The following BNC2 variants were observed in gnomAD, a reference collection of about 807,000 sequenced individuals.
BNC2 encodes the protein basonuclin zinc finger protein 2.
BNC2 carries 20 observed loss-of-function variants against 76.3 expected under a neutral mutation model. The ratio of observed to expected loss-of-function variants is 0.26; its 90% CI spans 0.18 to 0.38. The LOEUF (loss-of-function observed/expected upper bound fraction) is 0.38. Among genes scored for constraint, BNC2 ranks in the 10% least tolerant of loss-of-function variants. The pLI is 1.00. For missense variants in BNC2, 1,382 were observed against 1,399.8 expected (o/e 0.99, Z 0.20); for synonymous variants, 582 against 514.8 (o/e 1.13, Z -1.77).
chr9:16,456,467 C>A (rs1416997371), intron 5 of BNC2, among the ~76,000 whole-genome samples: 1 of 147,054 alleles, frequency 6.8e-6, no homozygotes, highest in Non-Finnish European at 1.5e-5. Flanking sequence ...GGGGATGGAG[C>A]TTGCAGTGAG....
chr9:16,633,665 T>C (rs1295163550), intron 3 of BNC2, among the ~76,000 whole-genome samples: 1 of 152,220 alleles, frequency 6.6e-6, no homozygotes, highest in African/African-American at 2.4e-5. Context: ...GTTTATCTAA[T>C]AATTGTTAAG....
chr9:16,839,176 T>C (rs1301567763), intron 1 of BNC2, among the ~76,000 whole-genome samples: 9 of 152,218 alleles, frequency 5.9e-5, no homozygotes, highest in Non-Finnish European at 1.2e-4. Context: ...AAGGATTCTT[T>C]TCCTTAAAAG....
At chr9:16,629,946 T>G (rs1821113074) in intron 3 of BNC2, among the ~76,000 whole-genome samples, 1 of 152,190 alleles carries the variant, frequency 6.6e-6, no homozygotes, top group Non-Finnish European at 1.5e-5. Flanking sequence ...CCGCATCAAT[T>G]GACTCTTCCA....
At chr9:16,524,321 C>T (rs953338685) in intron 5 of BNC2, among the ~76,000 whole-genome samples, 2 of 152,112 alleles carry the variant, frequency 1.3e-5, no homozygotes, top group Non-Finnish European at 2.9e-5. Flanking sequence ...CAGCTCAGGT[C>T]TCTCATTTGC....
chr9:16,546,286 T>C (rs2132447736), intron 5 of BNC2, among the ~76,000 whole-genome samples: 2 of 152,338 alleles, frequency 1.3e-5, no homozygotes, highest in Middle Eastern at 6.8e-3. Flanking sequence ...GTTATCTTAA[T>C]TGTAAAGATT....
At chr9:16,708,432 A>C (rs1432680880) in intron 3 of BNC2, among the ~76,000 whole-genome samples, 1 of 152,196 alleles carries the variant, frequency 6.6e-6, no homozygotes, top group South Asian at 2.1e-4. Context: ...TGGAGTCGAG[A>C]GATTGGCTAA....
At chr9:16,439,807 G>T (rs567037038) in intron 5 of BNC2, among the ~76,000 whole-genome samples, 2 of 152,346 alleles carry the variant, frequency 1.3e-5, no homozygotes, top group South Asian at 4.1e-4. Context: ...GAATATGTGT[G>T]AGTACGTGCA....
intron 3 of BNC2, among the ~76,000 whole-genome samples, chr9:16,601,306 C>T (rs1820237366): frequency 6.6e-6 from 1 of 152,120 alleles, no homozygotes; most frequent in Admixed American, 6.6e-5. Context: ...AATTTTGTAC[C>T]TCGGGCACCT....
intron 4 of BNC2, among the ~76,000 whole-genome samples, chr9:16,565,770 T>C (rs927529910): frequency 6.7e-6 from 1 of 150,326 alleles, no homozygotes. Flanking sequence ...ATTGCGCCAC[T>C]GCACTCCAGC....
intron 1 of BNC2, among the ~76,000 whole-genome samples, chr9:16,742,588 G>T (rs1563923010): frequency 6.6e-6 from 1 of 152,160 alleles, no homozygotes; most frequent in East Asian, 1.9e-4. Context: ...AGTCCTTTCT[G>T]TGAAGACCAC....
chr9:16,511,853 G>A (rs1208890059), intron 5 of BNC2, among the ~76,000 whole-genome samples: 1 of 152,110 alleles, frequency 6.6e-6, no homozygotes, highest in Non-Finnish European at 1.5e-5. Context: ...ACAAGCACAA[G>A]GCCATCACAC....
intron 3 of BNC2, among the ~76,000 whole-genome samples, chr9:16,608,143 T>C (rs113240927): frequency 0.012 from 1,754 of 152,280 alleles, 43 homozygotes; most frequent in African/African-American, 0.04. Flanking sequence ...TCCTCTACTT[T>C]CCATGAGCAG....
At chr9:16,640,965 T>TA (rs536556506) in intron 3 of BNC2, among the ~76,000 whole-genome samples, 75 of 152,274 alleles carry the variant, frequency 4.9e-4, no homozygotes, top group Non-Finnish European at 9.8e-4. Flanking sequence ...TAGAAAGAGT[T>TA]AAGACACCAT....
At chr9:16,780,235 C>CAAAAAAAAAA (rs372583425) in intron 1 of BNC2, among the ~76,000 whole-genome samples, 9 of 66,268 alleles carry the variant, frequency 1.4e-4, no homozygotes, top group Non-Finnish European at 1.9e-4. Flanking sequence ...GACTTCGTTT[C>CAAAAAAAAAA]AAAAAAAAAA....
At position 16,476,497 on chromosome 9, in the gene BNC2, T is replaced by G. The variant is rs12352484; in HGVS notation, c.670-38973A>C. 6.8e-3 allele frequency among the ~76,000 whole-genome samples: 1,033 copies of G among 152,128 alleles called. 11 individuals are homozygous for G. Among genetic ancestry groups the G allele is most frequent in the African/African-American group, 0.023 (946 of 41,512 alleles). On this transcript the variant is annotated intron_variant, in intron 5 of 6. Coordinates refer to ENST00000380672, the MANE Select transcript of BNC2 (RefSeq NM_017637.6). ...TCAGACCTCTGCTCAAAGCTCACTTTGTCAAGGAAGTGATTCCAGAAGTAC... is the reference window on the plus strand; with the variant it reads ...TCAGACCTCTGCTCAAAGCTCACTTGGTCAAGGAAGTGATTCCAGAAGTAC...
At chr9:16,539,701 AGGGAGG>A (rs1818250283) in intron 5 of BNC2, among the ~76,000 whole-genome samples, 1 of 119,320 alleles carries the variant, frequency 8.4e-6, no homozygotes, top group African/African-American at 4.3e-5. Flanking sequence ...GGAGAAAGGA[AGGGAGG>A]AAGGAAGGAA....
chr9:16,749,701 TAA>T lies in BNC2; in HGVS notation c.4-11218_4-11217del, dbSNP rs58541493. Among the ~76,000 whole-genome samples the T allele has an allele frequency of 8.2e-3, 1,181 of 143,706 alleles. 4 individuals carry two copies. The highest frequency in any genetic ancestry group is 0.013 in the African/African-American group (513 of 38,760). The allele number at this position is 143,706 out of a possible 152,430, so 94.3% of individuals were successfully genotyped here. A position where few individuals can be genotyped will look rare whatever the true frequency, so the allele number is the denominator to read the frequency against. ...GGCAAGAGAGAGAGATCCTGTGCTT[TAA>T]AAAAAAAAAAAAAATAGTGTAAGGA... is the stretch of plus-strand genomic sequence containing the variant. On this transcript the variant is annotated intron_variant, in intron 1 of 6. Coordinates refer to ENST00000380672, the MANE Select transcript of BNC2 (RefSeq NM_017637.6).
At chr9:16,440,569 G>A (rs1273389969) in intron 5 of BNC2, among the ~76,000 whole-genome samples, 1 of 152,122 alleles carries the variant, frequency 6.6e-6, no homozygotes, top group Non-Finnish European at 1.5e-5. Context: ...TTATACAACT[G>A]GCAGCCTCTG....
intron 1 of BNC2, among the ~76,000 whole-genome samples, chr9:16,777,353 G>A (rs1825996999): frequency 6.6e-6 from 1 of 151,922 alleles, no homozygotes; most frequent in Admixed American, 6.6e-5. Context: ...TGAAAAACAT[G>A]AGGAGCAAAT....
Sources: gnomAD v4.1 joint callset for allele counts (sites outside exome capture counted in the v4.1 genomes callset) on GRCh38, gnomAD v4.1.1 for gene constraint, MANE v1.5 for transcripts, NCBI Gene and HGNC (gene_info 2026-07-23, HGNC 2026-07-21) for gene names.